The following TFCP2 variants were observed in gnomAD, a reference collection of about 807,000 sequenced individuals.
TFCP2 encodes transcription factor CP2.
A neutral mutation model predicts 73.4 loss-of-function variants in TFCP2; 33 were observed. That is an observed-to-expected ratio of 0.45 (90% confidence interval 0.34 to 0.60). The LOEUF (loss-of-function observed/expected upper bound fraction) is 0.60. Ranked by LOEUF, TFCP2 falls within the 20% of genes least tolerant of loss-of-function variation. The pLI is 0.01. For synonymous variants in TFCP2, 193 were observed against 211.6 expected, an observed-to-expected ratio of 0.91 and a Z score of 0.76; for missense variants, 352 against 604.0, an observed-to-expected ratio of 0.58 and a Z score of 4.37.
At chr12:51,172,214 A>G in intron 1 of TFCP2, 87 bp downstream of exon 1, 1 of 1,553,322 alleles carries the variant, frequency 6.4e-7, no homozygotes, top group Admixed American at 1.9e-5. Context: ...AAAACTCTAT[A>G]CACCTCCTTC....
At chr12:51,166,729 C>T (rs1157703219) in intron 1 of TFCP2, among the ~76,000 whole-genome samples, 1 of 152,172 alleles carries the variant, frequency 6.6e-6, no homozygotes, top group African/African-American at 2.4e-5. Context: ...GACCACCCTG[C>T]GTCCTACCCC....
intron 4 of TFCP2, among the ~76,000 whole-genome samples, chr12:51,115,956 T>C (rs1246199058): frequency 6.6e-6 from 1 of 152,212 alleles, no homozygotes; most frequent in Non-Finnish European, 1.5e-5. Context: ...AGAAAAGTTC[T>C]GGAGATGGAT....
intron 3 of TFCP2, among the ~76,000 whole-genome samples, chr12:51,116,937 T>C (rs1209868202): frequency 6.6e-6 from 1 of 152,146 alleles, no homozygotes; most frequent in Non-Finnish European, 1.5e-5. Context: ...ATAGAATCTT[T>C]ATAGTTAACT....
At chr12:51,114,645 A>G (rs541903001) in intron 4 of TFCP2, among the ~76,000 whole-genome samples, 1 of 152,134 alleles carries the variant, frequency 6.6e-6, no homozygotes, top group South Asian at 2.1e-4. Flanking sequence ...AGAAAGAAAG[A>G]AAATATATAA....
chr12:51,106,996 C>T lies in TFCP2; in HGVS notation c.828+240G>A, dbSNP rs2136968768. 5.2e-6 allele frequency: 3 copies of T among 573,630 alleles called. No homozygotes were observed. In the South Asian group the frequency reaches 6.5e-5, roughly 12 times the overall value. The allele number at this position is 573,630 out of a possible 1,614,324, so 35.5% of individuals were successfully genotyped here. A position where few individuals can be genotyped will look rare whatever the true frequency, so the allele number is the denominator to read the frequency against. On this transcript the variant is annotated intron_variant, in intron 7 of 14. Transcript: ENST00000257915. ...AAAGCAAAGAACACCACAATAGCTC[C>T]TGCAGCAAACCAAACCAAACCAGAG...
chr12:51,142,825 A>G (rs1941220174), intron 1 of TFCP2, among the ~76,000 whole-genome samples: 2 of 152,170 alleles, frequency 1.3e-5, no homozygotes, highest in Admixed American at 6.5e-5. Flanking sequence ...CAACCAAGAC[A>G]GTTCAGCTTT....
intron 1 of TFCP2, among the ~76,000 whole-genome samples, chr12:51,139,176 C>A (rs190993913): frequency 6.6e-6 from 1 of 152,172 alleles, no homozygotes; most frequent in Non-Finnish European, 1.5e-5. Flanking sequence ...ATCCTCTAAC[C>A]TGCAGCCAGA....
Position 51,114,583 on chromosome 12 carries a change from C to T in TFCP2, c.457+1732G>A, listed in dbSNP as rs546145434. Reference sequence around the variant, plus strand: ...TCATGCCACTGCACTCCAGCCTGGGCGACAGAGGGAGACTCCATCTCAAAA... The same window carrying T: ...TCATGCCACTGCACTCCAGCCTGGGTGACAGAGGGAGACTCCATCTCAAAA... On this transcript the variant is annotated intron_variant, in intron 4 of 14. Coordinates refer to ENST00000257915, the MANE Select transcript of TFCP2 (RefSeq NM_005653.5). 4.0e-5 allele frequency among the ~76,000 whole-genome samples: 6 copies of T among 150,880 alleles called. No individual in the cohort carries two copies. In the East Asian group the frequency reaches 5.9e-4, roughly 15 times the overall value.
chr12:51,096,477 A>G (rs1027279613), intron 13 of TFCP2, among the ~76,000 whole-genome samples: 7 of 152,102 alleles, frequency 4.6e-5, no homozygotes, highest in African/African-American at 1.2e-4. Flanking sequence ...CATGAGTTTC[A>G]CCCTCCCAGG....
At chr12:51,142,405 C>A (rs560419661) in intron 1 of TFCP2, among the ~76,000 whole-genome samples, 7 of 152,150 alleles carry the variant, frequency 4.6e-5, no homozygotes, top group African/African-American at 1.7e-4. Flanking sequence ...GCAATTACTT[C>A]TTCATGTACA....
intron 4 of TFCP2, among the ~76,000 whole-genome samples, chr12:51,114,836 G>A (rs1194893565): frequency 1.3e-5 from 2 of 151,606 alleles, no homozygotes; most frequent in East Asian, 4.0e-4. Flanking sequence ...GGCCGAGGCG[G>A]GCAGATCAAG....
Position 51,100,582 on chromosome 12 carries a change from G to A in TFCP2, c.1152-803C>T, listed in dbSNP as rs114809568. Among the ~76,000 whole-genome samples, 829 of 152,116 alleles carry A rather than the reference G, an allele frequency of 5.4e-3. 3 individuals are homozygous for A. Among genetic ancestry groups the A allele is most frequent in the African/African-American group, 0.018 (754 of 41,506 alleles). On this transcript the variant is annotated intron_variant, in intron 11 of 14. Transcript: ENST00000257915. ...TGTAATCCCAGCACTTTAGGAAGGC[G>A]AGTCAGAAGGATTGCTTGAGCTCAG...
intron 1 of TFCP2, among the ~76,000 whole-genome samples, chr12:51,139,087 T>C (rs1453764291): frequency 6.6e-6 from 1 of 152,230 alleles, no homozygotes; most frequent in Non-Finnish European, 1.5e-5. Context: ...TTTGTATTTC[T>C]AAGGATATGC....
chr12:51,167,395 T>G lies in TFCP2; in HGVS notation c.122+4906A>C, dbSNP rs1941776514. ...TAAAGATGTAGAACGTCAGACTGAT[T>G]GACATTTTTTTTTTTTGAGACAGTC... On this transcript the variant is annotated intron_variant, in intron 1 of 14. Transcript: ENST00000257915. 6.5e-5 allele frequency among the ~76,000 whole-genome samples: 4 copies of G among 61,246 alleles called. No homozygotes were observed. The South Asian group carries it at 2.7e-3, about 41-fold the overall frequency. 40.2% of individuals were successfully genotyped at this position (61,246 alleles called of 152,430 possible).
rs553127799 is a variant in TFCP2 at position 51,119,549 on chromosome 12, G to A, written c.123-777C>T. Among the ~76,000 whole-genome samples, 44 of 152,120 alleles carry A rather than the reference G, an allele frequency of 2.9e-4. 1 individual carries two copies. The East Asian group carries it at 8.2e-3, about 28-fold the overall frequency. On this transcript the variant is annotated intron_variant, in intron 1 of 14. Transcript: ENST00000257915. ...GCGGATCACCTGAGGTCCGGAGGTGGAAACCCGCCTGACCAACATGGCGAA... is the reference window on the plus strand; with the variant it reads ...GCGGATCACCTGAGGTCCGGAGGTGAAAACCCGCCTGACCAACATGGCGAA...
At chr12:51,099,142 C>T (rs758377088) in intron 12 of TFCP2, among the ~76,000 whole-genome samples, 2 of 151,964 alleles carry the variant, frequency 1.3e-5, no homozygotes, top group African/African-American at 4.8e-5. Context: ...TAAAATCCTC[C>T]GCAAAGAGGA....
chr12:51,098,162 A>C (rs1940012685), intron 13 of TFCP2, among the ~76,000 whole-genome samples: 2 of 152,286 alleles, frequency 1.3e-5, no homozygotes, highest in South Asian at 4.1e-4. Context: ...TGGTGGTATT[A>C]AATCATTTTT....
intron 1 of TFCP2, among the ~76,000 whole-genome samples, chr12:51,160,132 AAT>A (rs1941618296): frequency 9.9e-6 from 1 of 101,174 alleles, no homozygotes; most frequent in Non-Finnish European, 2.1e-5. Flanking sequence ...ATCCTCTCTG[AAT>A]TTTTTTTTTT....
At position 51,153,409 on chromosome 12, in the gene TFCP2, T is replaced by G. The variant is rs147513564; in HGVS notation, c.122+18892A>C. On this transcript the variant is annotated intron_variant, in intron 1 of 14. Coordinates refer to ENST00000257915, the MANE Select transcript of TFCP2 (RefSeq NM_005653.5). ...AGTTATCATTTAACCTTTTTTTTTT[T>G]TGTTTTTTGTTGTCTATATCAATGC... is the stretch of plus-strand genomic sequence containing the variant. Among the ~76,000 whole-genome samples the G allele has an allele frequency of 2.5e-4, 30 of 121,726 alleles. 1 individual carries two copies. Among genetic ancestry groups the G allele is most frequent in the Middle Eastern group, 4.1e-3 (1 of 242 alleles). The allele number at this position is 121,726 out of a possible 152,430, so 79.9% of individuals were successfully genotyped here. A position where few individuals can be genotyped will look rare whatever the true frequency, so the allele number is the denominator to read the frequency against.
Sources: allele counts gnomAD v4.1 joint callset (sites outside exome capture counted in the v4.1 genomes callset), GRCh38; gene constraint gnomAD v4.1.1; transcripts MANE v1.5; gene names NCBI Gene and HGNC (gene_info 2026-07-23, HGNC 2026-07-21).